The following PTPN23 variants were observed in gnomAD, a reference collection of about 807,000 sequenced individuals.
PTPN23 encodes the protein protein tyrosine phosphatase non-receptor type 23, also known as tyrosine-protein phosphatase non-receptor type 23.
Under a neutral mutation model 156.3 loss-of-function variants are expected in PTPN23, and 72 were observed. The ratio of observed to expected loss-of-function variants is 0.46; its 90% CI spans 0.38 to 0.56. The LOEUF (loss-of-function observed/expected upper bound fraction) is 0.56, where lower values mean the gene tolerates loss of function less well. PTPN23 is among the 20% of genes least tolerant of loss of function. The pLI, the probability that PTPN23 is intolerant of heterozygous loss-of-function variation, is 0.00. For synonymous variants in PTPN23, 957 were observed against 899.6 expected, an observed-to-expected ratio of 1.06 and a Z score of -1.14; for missense variants, 1,974 against 2,171.5, an observed-to-expected ratio of 0.91 and a Z score of 1.81.
chr3:47,405,489 C>G lies in PTPN23; in HGVS notation c.365-260C>G. The G allele has an allele frequency of 1.1e-5, 6 of 560,672 alleles. No homozygotes were observed. In the South Asian group the frequency reaches 1.3e-4, roughly 12 times the overall value. The allele number at this position is 560,672 out of a possible 1,614,324, so 34.7% of individuals were successfully genotyped here. On this transcript the variant is annotated intron_variant, in intron 4 of 24. Coordinates refer to ENST00000265562, the MANE Select transcript of PTPN23 (RefSeq NM_015466.4). The surrounding 1 kb of genome is among the most constrained non-coding windows in gnomAD (Gnocchi z 4.7). Reference sequence around the variant, plus strand: ...GCTTGGGGAGCCCCAGAGTTCTGTGCAAACATCCCTGAAGCTTCAAGATTG... The same window carrying G: ...GCTTGGGGAGCCCCAGAGTTCTGTGGAAACATCCCTGAAGCTTCAAGATTG...
intron 1 of PTPN23, among the ~76,000 whole-genome samples, chr3:47,386,474 A>G (rs973141315): frequency 6.6e-6 from 1 of 152,070 alleles, no homozygotes; most frequent in Non-Finnish European, 1.5e-5. Context: ...CCCACAGTGC[A>G]CACTCTTGTT....
intron 1 of PTPN23, among the ~76,000 whole-genome samples, chr3:47,382,222 T>C (rs1576205661): frequency 1.3e-5 from 2 of 152,204 alleles, no homozygotes; most frequent in East Asian, 3.8e-4. Context: ...ATCTAGCCTC[T>C]TGGGGCCAGG....
rs1343979510 is a variant in PTPN23, at chr3:47,406,451, C to G, written c.628-30C>G. The G allele has an allele frequency of 6.2e-7, 1 of 1,613,926 alleles. No homozygotes were observed. Among genetic ancestry groups the G allele is most frequent in the Non-Finnish European group, 8.5e-7 (1 of 1,179,982 alleles). ...AGGCCTTCACTTTACTGCTGACTCC[C>G]CCACTCATTGGGCCCCACCCTGTTC... On this transcript the variant is annotated intron_variant, in intron 7 of 24. Transcript: ENST00000265562. The surrounding 1 kb of genome is among the most constrained non-coding windows in gnomAD (Gnocchi z 5.8).
At chr3:47,396,333 G>C in intron 2 of PTPN23, 116 bp downstream of exon 2, 1 of 720,770 alleles carries the variant, frequency 1.4e-6, no homozygotes, top group African/African-American at 1.8e-5. Context: ...CCACCACTTT[G>C]GGAGGCCGAG....
At position 47,411,596 on chromosome 3, in the gene PTPN23, G is replaced by A; in HGVS notation, c.3798G>A (p.Leu1266=). 6.2e-7 allele frequency: 1 copy of A among 1,612,476 alleles called. No individual in the cohort carries two copies. The highest frequency in any genetic ancestry group is 8.5e-7 in the Non-Finnish European group (1 of 1,179,938). The change falls in exon 20 of 25, where the codon CTG becomes CTA. Residue 1266 remains leucine (L), a synonymous_variant. Transcript: ENST00000265562. The surrounding 1 kb of genome is among the most constrained non-coding windows in gnomAD (Gnocchi z 6.3). ...CGCTAGTGGCAACCCAGGCCCCACT[G>A]CCTGGCACAGCTGCTGACTTCTGGC... ...CPPLVATQAP[L]PGTAADFWLM...
rs1016481306 is a variant in PTPN23, at chr3:47,404,635, C to T, written c.160-17C>T. 3 of 1,612,538 alleles carry T rather than the reference C, an allele frequency of 1.9e-6. No individual in the cohort carries two copies. In the African/African-American group the frequency reaches 4.0e-5, roughly 22 times the overall value. On this transcript the variant is annotated splice_polypyrimidine_tract_variant and intron_variant, in intron 2 of 24. Transcript: ENST00000265562. ...CCCATATGACAACAGGCCTGCTTCT[C>T]CCATCCTGCCCCCCAGAATGCTGTC...
In PTPN23 at chr3:47,411,928, G is replaced by T; in HGVS notation, c.4034G>T (p.Arg1345Leu). The stretch of plus-strand genomic sequence containing the variant: ...CAGTTCCGAGACCAGAGCCTCAAGC[G>T]CTCTCTTGTGCACCTGCACTTCCCC... ...SLQFRDQSLK[R>L]SLVHLHFPTW... The change falls in exon 21 of 25, where the codon CGC becomes CTC. Residue 1345 changes from arginine (R) to leucine (L), a missense_variant. Around this residue, in one of 4 missense-constraint regions of PTPN23, gnomAD observed 484 missense variants for 516.0 expected, o/e 0.94. Coordinates refer to ENST00000265562, the MANE Select transcript of PTPN23 (RefSeq NM_015466.4). The surrounding 1 kb of genome is among the most constrained non-coding windows in gnomAD (Gnocchi z 6.3). 6.2e-7 allele frequency: 1 copy of T among 1,613,120 alleles called. No individual in the cohort carries two copies. Among genetic ancestry groups the T allele is most frequent in the Non-Finnish European group, 8.5e-7 (1 of 1,179,814 alleles).
intron 2 of PTPN23, among the ~76,000 whole-genome samples, chr3:47,399,974 G>C (rs1418432627): frequency 6.6e-6 from 1 of 152,046 alleles, no homozygotes; most frequent in Non-Finnish European, 1.5e-5. Context: ...ACCATGCCTG[G>C]CTAATTTTTG....
chr3:47,413,278 C>G lies in PTPN23; in HGVS notation c.*93C>G. On this transcript the variant is annotated 3_prime_UTR_variant, in exon 25 of 25. Transcript: ENST00000265562. ...CAGAGCTTCTCAGTGGGCACAGTCT[C>G]TTACTCCCATTTCTGCTGCCTTTGG... 1 of 1,491,838 alleles carries G rather than the reference C, an allele frequency of 6.7e-7. No homozygotes were observed. The highest frequency in any genetic ancestry group is 9.1e-7 in the Non-Finnish European group (1 of 1,103,876). The allele number at this position is 1,491,838 out of a possible 1,614,324, so 92.4% of individuals were successfully genotyped here.
chr3:47,390,822 T>G (rs1352259670), intron 1 of PTPN23, among the ~76,000 whole-genome samples: 1 of 152,202 alleles, frequency 6.6e-6, no homozygotes, highest in Non-Finnish European at 1.5e-5. Context: ...GTGCCTGTTT[T>G]TCAGAGTTGT....
chr3:47,410,296 T>A lies in PTPN23; in HGVS notation c.2498T>A (p.Leu833His). 6.2e-7 allele frequency: 1 copy of A among 1,605,306 alleles called. No individual in the cohort carries two copies. The highest frequency in any genetic ancestry group is 2.2e-5 in the East Asian group (1 of 44,754). The change falls in exon 20 of 25, where the codon CTT becomes CAT. Residue 833 changes from leucine (L) to histidine (H), a missense_variant. Leu to His is a moderately conservative substitution (Grantham distance 99). This residue lies in a region of PTPN23 where 731 missense variants were observed against 669.1 expected (regional missense o/e 1.09). Transcript: ENST00000265562. ...PAPAYTPELG[L>H]VPRSSPQHGV... ...CCTGCCTACACACCGGAGCTGGGCC[T>A]TGTGCCCCGATCCTCCCCACAGCAT...
Position 47,409,431 on chromosome 3 carries a change from G to A in PTPN23, c.1812G>A (p.Glu604=), listed in dbSNP as rs146560915. ...CCCTTCCTCAGAAGTTGTTCGAGGA[G>A]CAGCTGAAAAAGTATGACCAGCTGA... ...DHSEMKKLFE[E]QLKKYDQLKV... Residue 604 remains glutamate (E), a synonymous_variant, in exon 18 of 25, where the codon GAG becomes GAA. Transcript: ENST00000265562. The A allele has an allele frequency of 8.7e-6, 14 of 1,614,144 alleles. No homozygotes were observed. The South Asian group carries it at 1.4e-4, about 16-fold the overall frequency.
At chr3:47,392,550 G>C (rs900774455) in intron 1 of PTPN23, among the ~76,000 whole-genome samples, 9 of 152,078 alleles carry the variant, frequency 5.9e-5, no homozygotes, top group African/African-American at 2.2e-4. Flanking sequence ...TTGAGGGAGG[G>C]AGTGGAGAGG....
In PTPN23 at chr3:47,407,003, G is replaced by A; in HGVS notation, c.808-127G>A. On this transcript the variant is annotated intron_variant, in intron 9 of 24. Coordinates refer to ENST00000265562, the MANE Select transcript of PTPN23 (RefSeq NM_015466.4). The surrounding 1 kb of genome is among the most constrained non-coding windows in gnomAD (Gnocchi z 4.0). ...TGGCGCCACCTTGCTGCTGTTGGCT[G>A]GGGTGGTGCCCGGCTGCCTCCTGAG... The A allele has an allele frequency of 5.5e-6, 7 of 1,283,580 alleles. No homozygotes were observed. Among genetic ancestry groups the A allele is most frequent in the Non-Finnish European group, 7.7e-6 (7 of 911,712 alleles). The allele number at this position is 1,283,580 out of a possible 1,614,324, so 79.5% of individuals were successfully genotyped here. A position where few individuals can be genotyped will look rare whatever the true frequency, so the allele number is the denominator to read the frequency against.
At position 47,405,332 on chromosome 3, in the gene PTPN23, G is replaced by A; in HGVS notation, c.364+251G>A. 1 of 567,448 alleles carries A rather than the reference G, an allele frequency of 1.8e-6. No homozygotes were observed. The highest frequency in any genetic ancestry group is 3.2e-6 in the Non-Finnish European group (1 of 316,624). 35.2% of individuals were successfully genotyped at this position (567,448 alleles called of 1,614,324 possible). On this transcript the variant is annotated intron_variant, in intron 4 of 24. Coordinates refer to ENST00000265562, the MANE Select transcript of PTPN23 (RefSeq NM_015466.4). The surrounding 1 kb of genome is among the most constrained non-coding windows in gnomAD (Gnocchi z 4.7). ...AGAGTTGCCACTGTGTGCTCTGTCT[G>A]GGAGAGAGGGCCTTTCTTCTTTGAC...
At chr3:47,381,751 G>A (rs1357556279) in intron 1 of PTPN23, among the ~76,000 whole-genome samples, 7 of 152,196 alleles carry the variant, frequency 4.6e-5, no homozygotes, top group Admixed American at 4.6e-4. Flanking sequence ...AGTCTCTTTG[G>A]ACCAAACAAT....
At chr3:47,396,479 G>C (rs1374718658) in intron 2 of PTPN23, among the ~76,000 whole-genome samples, 4 of 152,198 alleles carry the variant, frequency 2.6e-5, no homozygotes, top group African/African-American at 9.7e-5. Context: ...GGAGTCTGAA[G>C]CAGGATAATT....
chr3:47,406,922 C>G lies in PTPN23; in HGVS notation c.807+172C>G, dbSNP rs761507094. ...TCCCATCTGTGCAGCCCTCGTCCCT[C>G]GGGGTCTGAGGAGGTGGGGCAGGCT... On this transcript the variant is annotated intron_variant, in intron 9 of 24. Coordinates refer to ENST00000265562, the MANE Select transcript of PTPN23 (RefSeq NM_015466.4). This position sits in a 1 kb window ranked among gnomAD's most constrained non-coding sequence, Gnocchi z 5.8. 6.6e-6 allele frequency among the ~76,000 whole-genome samples: 1 copy of G among 152,098 alleles called. No homozygotes were observed. Among genetic ancestry groups the G allele is most frequent in the African/African-American group, 2.4e-5 (1 of 41,422 alleles).
chr3:47,385,876 G>T (rs950108056), intron 1 of PTPN23, among the ~76,000 whole-genome samples: 1 of 152,076 alleles, frequency 6.6e-6, no homozygotes, highest in South Asian at 2.1e-4. Context: ...CTCATGGCCT[G>T]TCCCCAGCTT....
Sources: gnomAD v4.1 joint callset for allele counts (sites outside exome capture counted in the v4.1 genomes callset) on GRCh38, gnomAD v4.1.1 for gene constraint, gnomAD v4.1.1 regional missense constraint, Gnocchi (gnomAD v3.1) non-coding constraint, MANE v1.5 for transcripts, NCBI Gene and HGNC (gene_info 2026-07-23, HGNC 2026-07-21) for gene names.